The following SLK variants were observed in gnomAD, a reference collection of about 807,000 sequenced individuals.
The protein encoded by SLK is STE20-like serine/threonine-protein kinase.
A neutral mutation model predicts 147.7 loss-of-function variants in SLK; 67 were observed. That is an observed-to-expected ratio of 0.45 (90% CI 0.37 to 0.56). The LOEUF is 0.56. SLK is among the 20% of genes least tolerant of loss of function. SLK has a pLI of 0.00. For missense variants in SLK, 1,136 were observed against 1,438.8 expected, an observed-to-expected ratio of 0.79 and a Z score of 3.41; for synonymous variants, 441 against 475.0, an observed-to-expected ratio of 0.93 and a Z score of 0.93.
chr10:104,025,062 T>C (rs1326947926), intron 18 of SLK, among the ~76,000 whole-genome samples: 6 of 152,208 alleles, frequency 3.9e-5, no homozygotes, highest in Non-Finnish European at 8.8e-5. Context: ...CAAGCACTTA[T>C]TTTTGCTCTG....
At chr10:104,007,914 T>C (rs558087898) in intron 11 of SLK, among the ~76,000 whole-genome samples, 1 of 152,222 alleles carries the variant, frequency 6.6e-6, no homozygotes, top group South Asian at 2.1e-4. Context: ...ATTGTGCAAC[T>C]GCACTCCAGC....
At position 104,018,810 on chromosome 10, in the gene SLK, G is replaced by A. The variant is rs1844497915; in HGVS notation, c.3034G>A (p.Glu1012Lys). The change falls in exon 15 of 19, where the codon GAA becomes AAA. Residue 1012 changes from glutamate (E) to lysine (K), a missense_variant. Physicochemically the swap from Glu to Lys is moderately conservative, Grantham distance 56. Coordinates refer to ENST00000369755, the MANE Select transcript of SLK (RefSeq NM_014720.4). ...RAREAAIWEL[E>K]ERHLQEKHQL... is the part of the protein sequence containing the mutation. ...TCGAGAAGCTGCAATTTGGGAGCTC[G>A]AAGAACGACACTTACAAGAAAAACA... 4 of 1,612,006 alleles carry A rather than the reference G, an allele frequency of 2.5e-6. No homozygotes were observed. Among genetic ancestry groups the A allele is most frequent in the Admixed American group, 1.7e-5 (1 of 59,430 alleles).
At chr10:104,008,657 G>A (rs805665) in intron 12 of SLK, among the ~76,000 whole-genome samples, 148,689 of 152,288 alleles carry the variant, frequency 0.98, 72,679 homozygotes, top group Middle Eastern at 1. Flanking sequence ...CCTTGAATCA[G>A]GTCTTCAAAT....
At chr10:104,025,243 A>G (rs1478581200) in intron 18 of SLK, among the ~76,000 whole-genome samples, 2 of 152,216 alleles carry the variant, frequency 1.3e-5, no homozygotes, top group East Asian at 3.8e-4. Flanking sequence ...CATATATTAG[A>G]GTGCATAGTA....
In SLK at chr10:103,992,978, T is replaced by A. The variant is rs1844121157; in HGVS notation, c.365-6T>A. The A allele has an allele frequency of 1.2e-6, 2 of 1,605,160 alleles. No individual in the cohort carries two copies. Among genetic ancestry groups the A allele is most frequent in the African/African-American group, 2.7e-5 (2 of 74,580 alleles). The stretch of plus-strand genomic sequence containing the variant: ...GCAGATTTTTTTTTTTACTTTCTCC[T>A]TATAGAACTTGAGAGACCATTAACT... On this transcript the variant is annotated splice_region_variant and splice_polypyrimidine_tract_variant and intron_variant, in intron 3 of 18. Transcript: ENST00000369755.
Position 103,993,057 on chromosome 10 carries a change from A to G in SLK, c.438A>G (p.Leu146=). 6.2e-7 allele frequency: 1 copy of G among 1,610,950 alleles called. No individual in the cohort carries two copies. Among genetic ancestry groups the G allele is most frequent in the Admixed American group, 1.7e-5 (1 of 59,944 alleles). Residue 146 remains leucine, a synonymous_variant, in exon 4 of 19, where the codon TTA becomes TTG. Coordinates refer to ENST00000369755, the MANE Select transcript of SLK (RefSeq NM_014720.4). The part of the protein sequence containing the change: ...CKQTLDALNY[L]HDNKIIHRDL... ...AGACTTTAGATGCATTGAACTACTT[A>G]CATGATAATAAGATCATCCACAGAG...
chr10:103,988,393 T>G (rs989342633), intron 1 of SLK, among the ~76,000 whole-genome samples: 1 of 152,188 alleles, frequency 6.6e-6, no homozygotes, highest in Admixed American at 6.5e-5. Flanking sequence ...TGCCTAGTGT[T>G]CCATTAACGG....
At position 104,002,577 on chromosome 10, in the gene SLK, C is replaced by G. The variant is rs1370957650; in HGVS notation, c.1399C>G (p.Leu467Val). ...ITLETNIEHN[L>V]KSEEEKDQEK... is the part of the protein sequence containing the mutation. ...CTTAGAAACAAATATTGAACATAATCTAAAATCTGAGGAAGAAAAGGATCA... is the reference window on the plus strand; with the variant it reads ...CTTAGAAACAAATATTGAACATAATGTAAAATCTGAGGAAGAAAAGGATCA... The change falls in exon 9 of 19, where the codon CTA becomes GTA. Residue 467 changes from leucine (L) to valine (V), a missense_variant. This residue lies in a region of SLK where 516 missense variants were observed against 531.3 expected (regional missense o/e 0.97). Transcript: ENST00000369755. The G allele has an allele frequency of 6.2e-7, 1 of 1,603,996 alleles. No homozygotes were observed. The highest frequency in any genetic ancestry group is 1.1e-5 in the South Asian group (1 of 90,000).
In SLK at chr10:104,025,879, C is replaced by A; in HGVS notation, c.*159C>A. 3.1e-6 allele frequency: 2 copies of A among 635,150 alleles called. No homozygotes were observed. The highest frequency in any genetic ancestry group is 2.9e-5 in the South Asian group (1 of 34,248). The allele number at this position is 635,150 out of a possible 1,614,324, so 39.3% of individuals were successfully genotyped here. On this transcript the variant is annotated 3_prime_UTR_variant, in exon 19 of 19. Transcript: ENST00000369755. ...TTTTTTGTTTTGTTTTGTTTTTAAGCAAAGATGAAGGGAAAACGAACTAAG... is the reference window on the plus strand; with the variant it reads ...TTTTTTGTTTTGTTTTGTTTTTAAGAAAAGATGAAGGGAAAACGAACTAAG...
At position 104,021,672 on chromosome 10, in the gene SLK, T is replaced by C. The variant is rs773867148; in HGVS notation, c.3500T>C (p.Leu1167Ser). The C allele has an allele frequency of 6.2e-7, 1 of 1,611,682 alleles. No individual in the cohort carries two copies. The highest frequency in any genetic ancestry group is 1.7e-5 in the Admixed American group (1 of 59,744). ...CATGAGACTCAGAAACTGAAGGAGT[T>C]AGATGAGGAACATAGCCAAGAATTA... ...VEHETQKLKE[L>S]DEEHSQELKE... is the part of the protein sequence containing the mutation. The change falls in exon 18 of 19, where the codon TTA (leucine) becomes TCA (serine). Residue 1167 changes from leucine (L) to serine (S), a missense_variant. Physicochemically the swap from Leu to Ser is moderately radical, Grantham distance 145. Around this residue, in one of 6 missense-constraint regions of SLK, gnomAD observed 327 missense variants for 457.5 expected, o/e 0.71. Coordinates refer to ENST00000369755, the MANE Select transcript of SLK (RefSeq NM_014720.4).
chr10:103,982,885 A>C lies in SLK; in HGVS notation c.151-7790A>C, dbSNP rs1319993297. On this transcript the variant is annotated intron_variant, in intron 1 of 18. Transcript: ENST00000369755. ...GCAAGAAGGTCTGGCTGTGGGGGCC[A>C]GTTGGATAGGGTTTGAATCCCAAGT... 2.0e-5 allele frequency among the ~76,000 whole-genome samples: 3 copies of C among 152,214 alleles called. No individual in the cohort carries two copies. In the East Asian group the frequency reaches 5.8e-4, roughly 29 times the overall value.
At chr10:103,971,605 AAAAG>A (rs1303831219) in intron 1 of SLK, among the ~76,000 whole-genome samples, 1 of 152,250 alleles carries the variant, frequency 6.6e-6, no homozygotes, top group Non-Finnish European at 1.5e-5. Flanking sequence ...TAACAGAAAA[AAAAG>A]AATGACATAA....
Position 103,967,374 on chromosome 10 carries a change from G to A in SLK, c.-372G>A, listed in dbSNP as rs1843726980. 6.6e-6 allele frequency: 1 copy of A among 150,424 alleles called. No individual in the cohort carries two copies. Among genetic ancestry groups the A allele is most frequent in the Non-Finnish European group, 1.5e-5 (1 of 67,426 alleles). 9.3% of individuals were successfully genotyped at this position (150,424 alleles called of 1,614,324 possible). A position where few individuals can be genotyped will look rare whatever the true frequency, so the allele number is the denominator to read the frequency against. ...TCCCAGAGTGGCCGCCGCCCCTGGA[G>A]ACTCGCCGTGACACGGGCCTAAGCC... On this transcript the variant is annotated 5_prime_UTR_variant, in exon 1 of 19. Coordinates refer to ENST00000369755, the MANE Select transcript of SLK (RefSeq NM_014720.4).
chr10:104,023,984 C>T (rs939550786), intron 18 of SLK, among the ~76,000 whole-genome samples: 1 of 152,146 alleles, frequency 6.6e-6, no homozygotes, highest in East Asian at 1.9e-4. Flanking sequence ...TTTCCCCACT[C>T]ACTGCAGGCC....
At chr10:103,971,520 C>T (rs908316023) in intron 1 of SLK, among the ~76,000 whole-genome samples, 4 of 152,224 alleles carry the variant, frequency 2.6e-5, no homozygotes, top group African/African-American at 9.6e-5. Flanking sequence ...GATCCGCCTG[C>T]CTTGGCCTCC....
At chr10:103,991,814 G>T (rs535296871) in intron 2 of SLK, among the ~76,000 whole-genome samples, 2 of 152,014 alleles carry the variant, frequency 1.3e-5, no homozygotes, top group African/African-American at 2.4e-5. Flanking sequence ...TATTAATGTG[G>T]TGTTTTCTGA....
rs747240402 is a variant in SLK at position 104,002,990 on chromosome 10, A to G, written c.1812A>G (p.Glu604=). 13 of 1,613,762 alleles carry G rather than the reference A, an allele frequency of 8.1e-6. No individual in the cohort carries two copies. The African/African-American group carries it at 1.7e-4, about 22-fold the overall frequency. Residue 604 remains glutamate, a synonymous_variant, in exon 9 of 19, where the codon GAA becomes GAG. Coordinates refer to ENST00000369755, the MANE Select transcript of SLK (RefSeq NM_014720.4). ...GTACTAAGGAAGTTCCTATTAAAGA[A>G]ATAGTTGAAATGAATGAAATAGAAG... ...AGGTKEVPIK[E]IVEMNEIEEG...
chr10:104,004,097 AAG>A (rs1844292891), intron 9 of SLK, among the ~76,000 whole-genome samples: 1 of 152,174 alleles, frequency 6.6e-6, no homozygotes, highest in South Asian at 2.1e-4. Context: ...GTAAAAAAAA[AAG>A]ATCCCACAGA....
chr10:103,995,862 A>C (rs1844164357), intron 4 of SLK, among the ~76,000 whole-genome samples: 1 of 152,212 alleles, frequency 6.6e-6, no homozygotes, highest in Admixed American at 6.5e-5. Flanking sequence ...ACAGAGCTAG[A>C]ACCCTCATGA....
Sources: gnomAD v4.1 joint callset for allele counts (sites outside exome capture counted in the v4.1 genomes callset) on GRCh38, gnomAD v4.1.1 for gene constraint, gnomAD v4.1.1 regional missense constraint, MANE v1.5 for transcripts, NCBI Gene and HGNC (gene_info 2026-07-23, HGNC 2026-07-21) for gene names.